ARID5B: variants seen among roughly 807,000 people sequenced by gnomAD.
The protein encoded by ARID5B is AT-rich interactive domain-containing protein 5B.
In ARID5B, 13 loss-of-function variants were observed where a neutral mutation model predicts 97.2. The ratio of observed to expected loss-of-function variants is 0.13; its 90% CI spans 0.09 to 0.21. The LOEUF (loss-of-function observed/expected upper bound fraction) is 0.21, where lower values mean the gene tolerates loss of function less well. Ranked by LOEUF, ARID5B falls within the 10% of genes least tolerant of loss-of-function variation. The probability of loss-of-function intolerance (pLI) is 1.00; values close to 1 mark genes in which losing one functional copy is unlikely to be tolerated. For synonymous variants in ARID5B, 556 were observed against 570.3 expected, an observed-to-expected ratio of 0.97 and a Z score of 0.36; for missense variants, 1,210 against 1,465.3, an observed-to-expected ratio of 0.83 and a Z score of 2.84.
intron 3 of ARID5B, among the ~76,000 whole-genome samples, chr10:61,985,077 A>G (rs989771621): frequency 6.6e-6 from 1 of 151,822 alleles, no homozygotes; most frequent in African/African-American, 2.4e-5. Context: ...ATGGTATTTT[A>G]ATCTGCCTGG....
intron 3 of ARID5B, among the ~76,000 whole-genome samples, chr10:61,947,540 G>T (rs2132807027): frequency 7.3e-6 from 1 of 136,560 alleles, no homozygotes; most frequent in Admixed American, 7.4e-5. Flanking sequence ...AAAGTGCTGG[G>T]ATTACAGGTG....
chr10:62,030,089 C>T lies in ARID5B; in HGVS notation c.734-20799C>T, dbSNP rs112251967. Reference sequence around the variant, plus strand: ...CCTGAGGATATGCAAGTATGAAATACACATGTCAGGAAAAATGCAGGGTTT... The same window carrying T: ...CCTGAGGATATGCAAGTATGAAATATACATGTCAGGAAAAATGCAGGGTTT... On this transcript the variant is annotated intron_variant, in intron 4 of 9. Transcript: ENST00000279873. 2.6e-5 allele frequency among the ~76,000 whole-genome samples: 4 copies of T among 151,994 alleles called. 1 individual carries two copies. The highest frequency in any genetic ancestry group is 9.6e-5 in the African/African-American group (4 of 41,506).
At chr10:62,031,050 A>G (rs1042284563) in intron 4 of ARID5B, among the ~76,000 whole-genome samples, 7 of 152,124 alleles carry the variant, frequency 4.6e-5, no homozygotes, top group Non-Finnish European at 7.4e-5. Flanking sequence ...CCTGGCCAAC[A>G]TGGTGAAACC....
At chr10:62,067,152 C>A (rs1008844368) in intron 7 of ARID5B, among the ~76,000 whole-genome samples, 4 of 151,852 alleles carry the variant, frequency 2.6e-5, no homozygotes, top group African/African-American at 9.7e-5. Flanking sequence ...ATGGCGCGAT[C>A]TCAGCTCACC....
chr10:61,983,864 G>GTTTTT (rs1564619807), intron 3 of ARID5B, among the ~76,000 whole-genome samples: 1 of 41,918 alleles, frequency 2.4e-5, no homozygotes, highest in Non-Finnish European at 4.4e-5. Flanking sequence ...ACCCCCTTTT[G>GTTTTT]TTCTTTTTTT....
chr10:62,095,221 A>C lies in ARID5B; in HGVS notation c.*2191A>C, dbSNP rs1198066404. The C allele has an allele frequency of 4.3e-6, 1 of 233,380 alleles. No individual in the cohort carries two copies. Among genetic ancestry groups the C allele is most frequent in the Non-Finnish European group, 8.5e-6 (1 of 117,940 alleles). 14.5% of individuals were successfully genotyped at this position (233,380 alleles called of 1,614,324 possible). On this transcript the variant is annotated 3_prime_UTR_variant, in exon 10 of 10. Coordinates refer to ENST00000279873, the MANE Select transcript of ARID5B (RefSeq NM_032199.3). ...TAGAGGGGGGAAAAATCTCAATTCC[A>C]GCTGGCAAGATGCTAGCCAGGACAC...
At chr10:62,085,974 C>G in intron 9 of ARID5B, 74 bp downstream of exon 9, 1 of 1,472,172 alleles carries the variant, frequency 6.8e-7, no homozygotes, top group Non-Finnish European at 9.2e-7. Context: ...AGCCCTGAAT[C>G]CACAGCTGTG....
chr10:61,991,041 TACAC>T (rs397802272), intron 3 of ARID5B, among the ~76,000 whole-genome samples: 27 of 145,154 alleles, frequency 1.9e-4, no homozygotes, highest in Non-Finnish European at 3.0e-4. Flanking sequence ...ATTTATCCTG[TACAC>T]ACACACACAC....
intron 3 of ARID5B, among the ~76,000 whole-genome samples, chr10:61,963,945 A>G (rs1031346943): frequency 2.6e-5 from 4 of 152,090 alleles, no homozygotes; most frequent in African/African-American, 4.8e-5. Context: ...TGTGAAAAAC[A>G]TTGCCAGGAT....
At chr10:62,005,763 G>A (rs544746427) in intron 4 of ARID5B, among the ~76,000 whole-genome samples, 1 of 152,204 alleles carries the variant, frequency 6.6e-6, no homozygotes, top group Admixed American at 6.5e-5. Flanking sequence ...AGGATGAGCT[G>A]GACTCTGCCT....
intron 4 of ARID5B, among the ~76,000 whole-genome samples, chr10:62,007,111 G>GA (rs1839156144): frequency 6.6e-6 from 1 of 152,116 alleles, no homozygotes; most frequent in Non-Finnish European, 1.5e-5. Context: ...CCAGGTCATT[G>GA]AAAAATCACA....
intron 8 of ARID5B, among the ~76,000 whole-genome samples, chr10:62,081,205 C>G (rs1402406995): frequency 1.3e-5 from 2 of 152,214 alleles, no homozygotes; most frequent in Non-Finnish European, 2.9e-5. Flanking sequence ...TCTGGAATTT[C>G]TCACTGATTT....
chr10:62,066,427 G>T (rs9415636), intron 7 of ARID5B, among the ~76,000 whole-genome samples: 8,988 of 152,212 alleles, frequency 0.059, 374 homozygotes, highest in Non-Finnish European at 0.091. Context: ...TCTCAAAATG[G>T]CCCAATTCAT....
At chr10:62,031,096 C>T (rs1196015148) in intron 4 of ARID5B, among the ~76,000 whole-genome samples, 1 of 152,072 alleles carries the variant, frequency 6.6e-6, no homozygotes, top group Non-Finnish European at 1.5e-5. Flanking sequence ...TAGCCTGTCA[C>T]GGTGGTGGAT....
At chr10:62,066,017 G>A (rs1303568761) in intron 7 of ARID5B, among the ~76,000 whole-genome samples, 1 of 152,136 alleles carries the variant, frequency 6.6e-6, no homozygotes, top group Non-Finnish European at 1.5e-5. Context: ...CCAGCTGATT[G>A]AGGCTGGGTA....
intron 4 of ARID5B, among the ~76,000 whole-genome samples, chr10:62,033,162 A>T (rs1839518980): frequency 1.3e-5 from 2 of 152,188 alleles, no homozygotes; most frequent in South Asian, 4.1e-4. Flanking sequence ...AGGGGATTCC[A>T]ATGATTCCAA....
At chr10:61,984,820 C>T (rs1434092591) in intron 3 of ARID5B, among the ~76,000 whole-genome samples, 2 of 152,132 alleles carry the variant, frequency 1.3e-5, no homozygotes, top group African/African-American at 4.8e-5. Context: ...CAGTTACAGC[C>T]CTGGGGACAG....
chr10:62,067,373 AT>A (rs1840008265), intron 7 of ARID5B, among the ~76,000 whole-genome samples: 1 of 152,228 alleles, frequency 6.6e-6, no homozygotes, highest in South Asian at 2.1e-4. Flanking sequence ...GTGAGCCACC[AT>A]GCCCGGCCAG....
intron 4 of ARID5B, among the ~76,000 whole-genome samples, chr10:62,034,047 G>GGGC (rs1257461758): frequency 6.6e-6 from 1 of 152,072 alleles, no homozygotes; most frequent in Non-Finnish European, 1.5e-5. Context: ...GAAACTCAAG[G>GGGC]GGCCATTTTA....
Sources: allele counts gnomAD v4.1 joint callset (sites outside exome capture counted in the v4.1 genomes callset), GRCh38; gene constraint gnomAD v4.1.1; transcripts MANE v1.5; gene names NCBI Gene and HGNC (gene_info 2026-07-23, HGNC 2026-07-21).